Variants in ERGIC3 observed in about 807,000 individuals in gnomAD.
The protein encoded by ERGIC3 is ERGIC and golgi 3, also known as endoplasmic reticulum-Golgi intermediate compartment protein 3.
Under a neutral mutation model 54.7 loss-of-function variants are expected in ERGIC3, and 33 were observed. The ratio of observed to expected loss-of-function variants is 0.60; its 90% CI spans 0.46 to 0.81. ERGIC3 has a LOEUF of 0.81. Ranked by LOEUF, ERGIC3 falls within the 30% of genes least tolerant of loss-of-function variation. The probability of loss-of-function intolerance (pLI) is 0.00; values close to 1 mark genes in which losing one functional copy is unlikely to be tolerated. For synonymous variants in ERGIC3, 186 were observed against 189.8 expected (o/e 0.98, Z 0.16); for missense variants, 399 against 488.4 (o/e 0.82, Z 1.73).
In ERGIC3 at chr20:35,549,471, G is replaced by A. The variant is rs374081860; in HGVS notation, c.685+606G>A. ...CAAAATATTTAGTAATCACCTACTA[G>A]TCTAGTTGCTAAGGGTACAGTAGTG... On this transcript the variant is annotated intron_variant, in intron 7 of 12. Transcript: ENST00000348547. 6 of 342,696 alleles carry A rather than the reference G, an allele frequency of 1.8e-5. No individual in the cohort carries two copies. In the East Asian group the frequency reaches 4.8e-4, roughly 27 times the overall value. 21.2% of individuals were successfully genotyped at this position (342,696 alleles called of 1,614,324 possible). A position where few individuals can be genotyped will look rare whatever the true frequency, so the allele number is the denominator to read the frequency against.
chr20:35,549,239 G>A, intron 7 of ERGIC3: 1 of 473,226 alleles, frequency 2.1e-6, no homozygotes, highest in Non-Finnish European at 4.4e-6. Flanking sequence ...AGCCCCCCGT[G>A]TCCGATGATG....
rs746671208 is a variant in ERGIC3, at chr20:35,556,374, C to T, written c.879+103C>T. The T allele has an allele frequency of 4.0e-6, 5 of 1,235,380 alleles. No homozygotes were observed. The Admixed American group carries it at 7.2e-5, about 18-fold the overall frequency. The allele number at this position is 1,235,380 out of a possible 1,614,324, so 76.5% of individuals were successfully genotyped here. ...TGGGGAGTGAAAGCTGCCTCGTCCTCACATGGCGAATAAAAGACTGAGGCA... is the reference window on the plus strand; with the variant it reads ...TGGGGAGTGAAAGCTGCCTCGTCCTTACATGGCGAATAAAAGACTGAGGCA... On this transcript the variant is annotated intron_variant, in intron 10 of 12. Coordinates refer to ENST00000348547, the MANE Select transcript of ERGIC3 (RefSeq NM_015966.3).
chr20:35,555,871 A>T (rs960459364), intron 8 of ERGIC3, among the ~76,000 whole-genome samples, 162 bp from the exon 9 acceptor site: 1 of 151,002 alleles, frequency 6.6e-6, no homozygotes, highest in African/African-American at 2.4e-5. Context: ...CTGTGGAAGG[A>T]GGAGTTTCTA....
chr20:35,556,530 A>C, intron 10 of ERGIC3: 1 of 521,478 alleles, frequency 1.9e-6, no homozygotes, highest in Non-Finnish European at 3.4e-6. Flanking sequence ...TGCCTGCCTC[A>C]CTGTTCTCTG....
At chr20:35,551,713 G>A (rs951713349) in intron 7 of ERGIC3, among the ~76,000 whole-genome samples, 6 of 152,194 alleles carry the variant, frequency 3.9e-5, no homozygotes, top group African/African-American at 9.7e-5. Flanking sequence ...AGCCACGGAC[G>A]GGTGTTTCAA....
At chr20:35,552,340 T>G (rs987401266) in intron 7 of ERGIC3, among the ~76,000 whole-genome samples, 3 of 152,066 alleles carry the variant, frequency 2.0e-5, no homozygotes, top group African/African-American at 7.2e-5. Flanking sequence ...GTGCGTGGAC[T>G]GGGGAGATTG....
chr20:35,544,228 G>A (rs985609739), intron 4 of ERGIC3: 1 of 174,826 alleles, frequency 5.7e-6, no homozygotes, highest in Non-Finnish European at 1.2e-5. Flanking sequence ...CTAATTTTTT[G>A]TATTTTTAGT....
intron 7 of ERGIC3, among the ~76,000 whole-genome samples, chr20:35,552,549 A>G (rs1415395903): frequency 6.6e-6 from 1 of 152,210 alleles, no homozygotes; most frequent in African/African-American, 2.4e-5. Context: ...GGACCACAGC[A>G]TATGAGCTAG....
Position 35,548,489 on chromosome 20 carries a change from C to A in ERGIC3, c.462-20C>A. On this transcript the variant is annotated intron_variant, in intron 5 of 12. Coordinates refer to ENST00000348547, the MANE Select transcript of ERGIC3 (RefSeq NM_015966.3). ...ACTTATGCCTCTTTAACACTCTCAC[C>A]GTCACTCCCTGCCCTACAGGTGCTG... is the stretch of plus-strand genomic sequence containing the variant. The A allele has an allele frequency of 6.2e-7, 1 of 1,612,536 alleles. No homozygotes were observed. Among genetic ancestry groups the A allele is most frequent in the South Asian group, 1.1e-5 (1 of 90,812 alleles).
intron 7 of ERGIC3, among the ~76,000 whole-genome samples, chr20:35,550,406 A>G (rs2064675157): frequency 1.3e-5 from 2 of 152,036 alleles, no homozygotes; most frequent in African/African-American, 4.8e-5. Context: ...ACCTGAGGTC[A>G]GGAGTTCAAG....
rs2064633126 is a variant in ERGIC3, at chr20:35,544,036, ATCTATC to A, written c.367+1097_367+1102del. The A allele has an allele frequency of 2.2e-4, 49 of 219,224 alleles. 1 individual carries two copies. The South Asian group carries it at 3.2e-3, about 14-fold the overall frequency. The allele number at this position is 219,224 out of a possible 1,614,324, so 13.6% of individuals were successfully genotyped here. A position where few individuals can be genotyped will look rare whatever the true frequency, so the allele number is the denominator to read the frequency against. On this transcript the variant is annotated intron_variant, in intron 4 of 12. Coordinates refer to ENST00000348547, the MANE Select transcript of ERGIC3 (RefSeq NM_015966.3). Reference sequence around the variant, plus strand: ...CTACTATCTATCTATCTATCTATCTATCTATCTATCTATCTATCTATCTATCTGTCT... The same window carrying A: ...CTACTATCTATCTATCTATCTATCTATATCTATCTATCTATCTATCTGTCT...
rs116621707 is a variant in ERGIC3 at position 35,554,249 on chromosome 20, G to A, written c.686-795G>A. 2,243 of 1,310,700 alleles carry A rather than the reference G, an allele frequency of 1.7e-3. 30 individuals are homozygous for A. In the African/African-American group the frequency reaches 0.029, roughly 17 times the overall value. The allele number at this position is 1,310,700 out of a possible 1,614,324, so 81.2% of individuals were successfully genotyped here. ...GCCCAGAAGGAGGCTTGTTAGCTGG[G>A]GCCAGACTGTGTTGCTGAGGCTGAA... On this transcript the variant is annotated intron_variant, in intron 7 of 12. Coordinates refer to ENST00000348547, the MANE Select transcript of ERGIC3 (RefSeq NM_015966.3).
At position 35,557,447 on chromosome 20, in the gene ERGIC3, C is replaced by T. The variant is rs372839194; in HGVS notation, c.1095C>T (p.Leu365=). The T allele has an allele frequency of 8.7e-6, 14 of 1,614,038 alleles. No homozygotes were observed. Among genetic ancestry groups the T allele is most frequent in the African/African-American group, 1.3e-5 (1 of 74,936 alleles). The change falls in exon 13 of 13, where the codon CTC becomes CTT. Residue 365 remains leucine (L), a synonymous_variant. Coordinates refer to ENST00000348547, the MANE Select transcript of ERGIC3 (RefSeq NM_015966.3). The part of the protein sequence containing the change: ...MFTVAGLIDS[L]IYHSARAIQK... ...CAGTGGCTGGACTCATCGATTCGCT[C>T]ATCTACCACTCAGCACGAGCCATCC...
chr20:35,554,250 G>A, intron 7 of ERGIC3: 1 of 1,321,114 alleles, frequency 7.6e-7, no homozygotes, highest in Non-Finnish European at 1.1e-6. Context: ...GTTAGCTGGG[G>A]CCAGACTGTG....
At chr20:35,556,642 C>T (rs891574151) in intron 10 of ERGIC3, 1 of 492,644 alleles carries the variant, frequency 2.0e-6, no homozygotes, top group Non-Finnish European at 3.7e-6. Flanking sequence ...TGGCAGGATG[C>T]GAGGGGCTGA....
Position 35,542,081 on chromosome 20 carries a change from C to T in ERGIC3, c.-17C>T, listed in dbSNP as rs559312651. ...GTAGGGGCGGGCCGGCTGGCGTCCC[C>T]TTTCCGGCCGGTCCCCATGGAGGCG... On this transcript the variant is annotated 5_prime_UTR_variant, in exon 1 of 13. Transcript: ENST00000348547. The T allele has an allele frequency of 1.3e-5, 19 of 1,515,972 alleles. No homozygotes were observed. The highest frequency in any genetic ancestry group is 1.8e-4 in the Middle Eastern group (1 of 5,558). The allele number at this position is 1,515,972 out of a possible 1,614,324, so 93.9% of individuals were successfully genotyped here.
At chr20:35,557,298 C>T (rs2064719777) in intron 12 of ERGIC3, 49 bp downstream of exon 12, 5 of 1,613,246 alleles carry the variant, frequency 3.1e-6, no homozygotes, top group Non-Finnish European at 4.2e-6. Flanking sequence ...AGGGTAAAGC[C>T]TGGGTGCCCC....
At chr20:35,549,168 G>A (rs1428978660) in intron 7 of ERGIC3, 1 of 501,832 alleles carries the variant, frequency 2.0e-6, no homozygotes, top group Admixed American at 2.3e-5. Flanking sequence ...CACAGGGTGT[G>A]TGTGCAGGTT....
chr20:35,546,527 G>A (rs1254347470), intron 4 of ERGIC3, among the ~76,000 whole-genome samples: 1 of 152,212 alleles, frequency 6.6e-6, no homozygotes, highest in Non-Finnish European at 1.5e-5. Flanking sequence ...TTGCCAGGCA[G>A]TCCTAAAGGA....
Sources: gnomAD v4.1 joint callset for allele counts (sites outside exome capture counted in the v4.1 genomes callset) on GRCh38, gnomAD v4.1.1 for gene constraint, MANE v1.5 for transcripts, NCBI Gene and HGNC (gene_info 2026-07-23, HGNC 2026-07-21) for gene names.